SLC2A13: variants seen among roughly 807,000 people sequenced by gnomAD.
The protein encoded by SLC2A13 is proton myo-inositol cotransporter.
In SLC2A13, 32 loss-of-function variants were observed where a neutral mutation model predicts 64.4. The observed-to-expected ratio is 0.50, with a 90% CI of 0.37 to 0.67. The LOEUF is 0.67. Among genes scored for constraint, SLC2A13 ranks in the 30% least tolerant of loss-of-function variants. The probability of loss-of-function intolerance (pLI) is 0.00; values close to 1 mark genes in which losing one functional copy is unlikely to be tolerated. For missense variants in SLC2A13, 743 were observed against 829.2 expected, an observed-to-expected ratio of 0.90 and a Z score of 1.28; for synonymous variants, 338 against 327.1, an observed-to-expected ratio of 1.03 and a Z score of -0.36.
chr12:39,918,407 C>T (rs117117741), intron 4 of SLC2A13, among the ~76,000 whole-genome samples: 1,530 of 147,568 alleles, frequency 0.01, 17 homozygotes, highest in Middle Eastern at 0.014. Context: ...TTATGAAGAA[C>T]TGCTTCAGGC....
At chr12:39,977,466 G>A (rs1946784536) in intron 3 of SLC2A13, among the ~76,000 whole-genome samples, 2 of 152,234 alleles carry the variant, frequency 1.3e-5, no homozygotes, top group Non-Finnish European at 2.9e-5. Flanking sequence ...GCAGTAGACT[G>A]AGCTTCTCTG....
chr12:39,793,038 A>T (rs574051273), intron 7 of SLC2A13, among the ~76,000 whole-genome samples: 16 of 152,252 alleles, frequency 1.1e-4, no homozygotes, highest in Admixed American at 8.5e-4. Context: ...GGTCATAAAG[A>T]TATAAAACTA....
chr12:39,786,739 ATCAT>A (rs1941202479), intron 7 of SLC2A13, among the ~76,000 whole-genome samples: 1 of 152,184 alleles, frequency 6.6e-6, no homozygotes, highest in African/African-American at 2.4e-5. Context: ...TGGTGGGTGA[ATCAT>A]TCTCTGTACT....
rs1947602540 is a variant in SLC2A13, at chr12:40,015,172, A to G, written c.925+13129T>C. Among the ~76,000 whole-genome samples the G allele has an allele frequency of 1.3e-5, 2 of 152,174 alleles. 1 individual carries two copies. The highest frequency in any genetic ancestry group is 1.3e-4 in the Admixed American group (2 of 15,278). ...CCTTCACTGGCCCATTTAAGAAGAA[A>G]AAAAAAAAATTCCAAGGAATTCAAC... On this transcript the variant is annotated intron_variant, in intron 3 of 9. Coordinates refer to ENST00000280871, the MANE Select transcript of SLC2A13 (RefSeq NM_052885.4).
intron 4 of SLC2A13, chr12:39,950,710 C>G (rs1367504250): frequency 6.6e-6 from 1 of 152,306 alleles, no homozygotes; most frequent in African/African-American, 2.4e-5. Context: ...AGCACACATA[C>G]AGCTTTGGGA....
chr12:39,793,284 G>A (rs531641740), intron 7 of SLC2A13, among the ~76,000 whole-genome samples: 11 of 152,160 alleles, frequency 7.2e-5, no homozygotes, highest in African/African-American at 1.2e-4. Context: ...GACAAAAGAC[G>A]TGCAAAATTG....
intron 1 of SLC2A13, among the ~76,000 whole-genome samples, chr12:40,101,743 G>A (rs1378283869): frequency 6.6e-6 from 1 of 151,868 alleles, no homozygotes; most frequent in African/African-American, 2.4e-5. Context: ...ATACTAATTT[G>A]ATTTTTCTGT....
chr12:40,021,543 T>G (rs1163244302), intron 3 of SLC2A13, among the ~76,000 whole-genome samples: 1 of 152,348 alleles, frequency 6.6e-6, no homozygotes, highest in Admixed American at 6.5e-5. Flanking sequence ...TAATCTACTG[T>G]TTACCAGCCT....
intron 1 of SLC2A13, among the ~76,000 whole-genome samples, chr12:40,057,534 T>G (rs1233771877): frequency 6.6e-6 from 1 of 152,166 alleles, no homozygotes; most frequent in East Asian, 1.9e-4. Context: ...ATATTTTACT[T>G]AATTTGGACT....
intron 7 of SLC2A13, among the ~76,000 whole-genome samples, chr12:39,778,791 C>A (rs1424250032): frequency 1.3e-5 from 2 of 152,094 alleles, no homozygotes; most frequent in Non-Finnish European, 1.5e-5. Context: ...AACTTAAATA[C>A]CAATGACTGA....
intron 3 of SLC2A13, among the ~76,000 whole-genome samples, chr12:39,977,981 AC>A (rs1340919782): frequency 6.6e-6 from 1 of 152,178 alleles, no homozygotes; most frequent in African/African-American, 2.4e-5. Flanking sequence ...TGTGTATTTC[AC>A]GTGTGTGTTT....
rs138826164 is a variant in SLC2A13, at chr12:39,840,203, T to G, written c.1320-9975A>C. Among the ~76,000 whole-genome samples, 940 of 152,060 alleles carry G rather than the reference T, an allele frequency of 6.2e-3. 12 individuals carry two copies. Among genetic ancestry groups the G allele is most frequent in the African/African-American group, 0.022 (892 of 41,468 alleles). On this transcript the variant is annotated intron_variant, in intron 6 of 9. Transcript: ENST00000280871. ...CGTGCAACCATGCCTGGCTAATTTT[T>G]GTATTATTAGTAGAGTTGGGGTTTC...
intron 3 of SLC2A13, among the ~76,000 whole-genome samples, chr12:39,999,764 T>C (rs1947293685): frequency 6.6e-6 from 1 of 152,232 alleles, no homozygotes; most frequent in Admixed American, 6.5e-5. Context: ...CCCTTTGCTG[T>C]TTCCTCAGAA....
At chr12:39,833,003 T>G (rs866796051) in intron 6 of SLC2A13, among the ~76,000 whole-genome samples, 17 of 152,230 alleles carry the variant, frequency 1.1e-4, no homozygotes, top group Middle Eastern at 6.8e-3. Context: ...ATACACATCT[T>G]AAAGTTTCTT....
At chr12:40,061,884 A>C (rs1362606476) in intron 1 of SLC2A13, among the ~76,000 whole-genome samples, 1 of 152,050 alleles carries the variant, frequency 6.6e-6, no homozygotes, top group Non-Finnish European at 1.5e-5. Context: ...ACTACTCTTG[A>C]AAAATAAAGG....
intron 4 of SLC2A13, among the ~76,000 whole-genome samples, chr12:39,885,967 G>C (rs1261739048): frequency 6.6e-6 from 1 of 152,118 alleles, no homozygotes; most frequent in African/African-American, 2.4e-5. Flanking sequence ...CAAATGTTTT[G>C]TATAGAAACC....
At chr12:39,978,638 G>A (rs1231117588) in intron 3 of SLC2A13, among the ~76,000 whole-genome samples, 3 of 152,134 alleles carry the variant, frequency 2.0e-5, no homozygotes, top group Non-Finnish European at 4.4e-5. Flanking sequence ...GGCGCACCAC[G>A]CGACAATATC....
At chr12:39,922,465 T>G (rs1443949557) in intron 4 of SLC2A13, among the ~76,000 whole-genome samples, 1 of 152,232 alleles carries the variant, frequency 6.6e-6, no homozygotes, top group African/African-American at 2.4e-5. Flanking sequence ...GTTTAAGAAC[T>G]AAGACTCTGT....
At chr12:39,799,950 A>G (rs1004347490) in intron 7 of SLC2A13, among the ~76,000 whole-genome samples, 1 of 152,200 alleles carries the variant, frequency 6.6e-6, no homozygotes, top group African/African-American at 2.4e-5. Context: ...AGTGTTCCCC[A>G]TGTGCAGTGG....
Sources: gnomAD v4.1 joint callset for allele counts (sites outside exome capture counted in the v4.1 genomes callset) on GRCh38, gnomAD v4.1.1 for gene constraint, MANE v1.5 for transcripts, NCBI Gene and HGNC (gene_info 2026-07-23, HGNC 2026-07-21) for gene names.